The following GALNT18 variants were observed in gnomAD, a reference collection of about 807,000 sequenced individuals.
GALNT18 encodes the protein GalNAc-transferase 18.
A neutral mutation model predicts 69.5 loss-of-function variants in GALNT18; 44 were observed. The observed-to-expected ratio is 0.63, with a 90% CI of 0.50 to 0.81. The LOEUF (loss-of-function observed/expected upper bound fraction) is 0.81, where lower values mean the gene tolerates loss of function less well. Among genes scored for constraint, GALNT18 ranks in the 40% least tolerant of loss-of-function variants. GALNT18 has a pLI of 0.00. For missense variants in GALNT18, 715 were observed against 810.0 expected, an observed-to-expected ratio of 0.88 and a Z score of 1.42; for synonymous variants, 364 against 318.2, an observed-to-expected ratio of 1.14 and a Z score of -1.53.
At position 11,315,865 on chromosome 11, in the gene GALNT18, T is replaced by A. The variant is rs955685393; in HGVS notation, c.1512+11221A>T. Reference sequence around the variant, plus strand: ...ACATCCACCACTACCCTGCACCCCCTCAAACAACCATCCTGCACCGAGAAA... The same window carrying A: ...ACATCCACCACTACCCTGCACCCCCACAAACAACCATCCTGCACCGAGAAA... On this transcript the variant is annotated intron_variant, in intron 9 of 10. Coordinates refer to ENST00000227756, the MANE Select transcript of GALNT18 (RefSeq NM_198516.3). This position sits in a 1 kb window ranked among gnomAD's most constrained non-coding sequence, Gnocchi z 5.6. 3.3e-5 allele frequency among the ~76,000 whole-genome samples: 5 copies of A among 151,718 alleles called. No individual in the cohort carries two copies. The highest frequency in any genetic ancestry group is 7.3e-5 in the African/African-American group (3 of 41,280).
chr11:11,477,142 G>A (rs558691968), intron 1 of GALNT18, among the ~76,000 whole-genome samples: 1 of 152,320 alleles, frequency 6.6e-6, no homozygotes, highest in African/African-American at 2.4e-5. Context: ...AAGCTAGAGA[G>A]GCCACTAACA....
chr11:11,396,618 G>C lies in GALNT18; in HGVS notation c.596-17354C>G, dbSNP rs1045179870. 2.0e-5 allele frequency among the ~76,000 whole-genome samples: 3 copies of C among 152,152 alleles called. No homozygotes were observed. The highest frequency in any genetic ancestry group is 7.2e-5 in the African/African-American group (3 of 41,446). ...GGCAATTGCAAAGATTTGCACGCGG[G>C]ACTCCAGTCTGGGGCAATAGTGTGG... On this transcript the variant is annotated intron_variant, in intron 3 of 10. Coordinates refer to ENST00000227756, the MANE Select transcript of GALNT18 (RefSeq NM_198516.3). The surrounding 1 kb of genome is among the most constrained non-coding windows in gnomAD (Gnocchi z 5.2).
At position 11,415,841 on chromosome 11, in the gene GALNT18, C is replaced by T. The variant is rs943134523; in HGVS notation, c.595+16780G>A. On this transcript the variant is annotated intron_variant, in intron 3 of 10. Transcript: ENST00000227756. This position sits in a 1 kb window ranked among gnomAD's most constrained non-coding sequence, Gnocchi z 4.1. Reference sequence around the variant, plus strand: ...CAGGAATTCAGCAAGCAGCAACGCTCTCCACTGTTGGACTCACATGTCATA... The same window carrying T: ...CAGGAATTCAGCAAGCAGCAACGCTTTCCACTGTTGGACTCACATGTCATA... Among the ~76,000 whole-genome samples the T allele has an allele frequency of 6.6e-6, 1 of 152,202 alleles. No individual in the cohort carries two copies.
chr11:11,275,153 T>A (rs1402447909), intron 10 of GALNT18, among the ~76,000 whole-genome samples: 1 of 152,218 alleles, frequency 6.6e-6, no homozygotes, highest in Middle Eastern at 3.2e-3. Context: ...TAATTTACAC[T>A]CCCACCAACA....
chr11:11,621,442 T>C lies in GALNT18; in HGVS notation c.152A>G (p.Lys51Arg). The C allele has an allele frequency of 6.2e-7, 1 of 1,614,126 alleles. No homozygotes were observed. Among genetic ancestry groups the C allele is most frequent in the Non-Finnish European group, 8.5e-7 (1 of 1,180,004 alleles). ...VRGQEPAPDKKLEEDKGDTLK... is the reference protein window; with the variant it reads ...VRGQEPAPDKRLEEDKGDTLK... ...AGTGTCCCCTTTGTCTTCCTCCAGCTTCTTGTCGGGCGCCGGCTCCTGCCC... is the reference window on the plus strand; with the variant it reads ...AGTGTCCCCTTTGTCTTCCTCCAGCCTCTTGTCGGGCGCCGGCTCCTGCCC... The change falls in exon 1 of 11, where the codon AAG (lysine) becomes AGG (arginine). Residue 51 changes from lysine to arginine, a missense_variant. Coordinates refer to ENST00000227756, the MANE Select transcript of GALNT18 (RefSeq NM_198516.3). The surrounding 1 kb of genome is among the most constrained non-coding windows in gnomAD (Gnocchi z 9.3).
intron 1 of GALNT18, among the ~76,000 whole-genome samples, chr11:11,487,121 C>T (rs1856661378): frequency 6.6e-6 from 1 of 152,232 alleles, no homozygotes; most frequent in Non-Finnish European, 1.5e-5. Flanking sequence ...GAATCTTCCC[C>T]ACTCATCTCC....
rs117025319 is a variant in GALNT18, at chr11:11,479,219, G to A, written c.236-30283C>T. On this transcript the variant is annotated intron_variant, in intron 1 of 10. Transcript: ENST00000227756. ...ATTAATGTTTTCCTAATTGGACACC[G>A]ATTCAACTAGGAAAAATAAAGTTTA... is the stretch of plus-strand genomic sequence containing the variant. Among the ~76,000 whole-genome samples the A allele has an allele frequency of 3.3e-3, 502 of 152,042 alleles. 1 individual carries two copies. The highest frequency in any genetic ancestry group is 0.02 in the Middle Eastern group (6 of 294).
intron 6 of GALNT18, among the ~76,000 whole-genome samples, chr11:11,359,430 TAG>T (rs1850596645): frequency 1.1e-5 from 1 of 91,726 alleles, no homozygotes; most frequent in South Asian, 2.6e-4. Context: ...AGGCAATTGC[TAG>T]GGACCCTTCC....
intron 8 of GALNT18, among the ~76,000 whole-genome samples, chr11:11,329,565 G>A (rs1348203336): frequency 1.3e-5 from 2 of 152,156 alleles, no homozygotes; most frequent in African/African-American, 2.4e-5. Context: ...ACCCAAGTCT[G>A]GTATGAGACC....
chr11:11,394,357 G>A (rs973784767), intron 3 of GALNT18, among the ~76,000 whole-genome samples: 3 of 152,140 alleles, frequency 2.0e-5, no homozygotes, highest in African/African-American at 7.2e-5. Flanking sequence ...CTGAGTGTAG[G>A]GATACAAATT....
In GALNT18 at chr11:11,604,943, G is replaced by A. The variant is rs534076447; in HGVS notation, c.235+16416C>T. Among the ~76,000 whole-genome samples the A allele has an allele frequency of 3.3e-5, 5 of 151,982 alleles. No homozygotes were observed. Among genetic ancestry groups the A allele is most frequent in the South Asian group, 4.2e-4 (2 of 4,818 alleles). ...CTATTGCTCCTGGCCGTGAGTCTGC[G>A]GAGGTAAAAAAAAAGAATGGAATAG... On this transcript the variant is annotated intron_variant, in intron 1 of 10. Coordinates refer to ENST00000227756, the MANE Select transcript of GALNT18 (RefSeq NM_198516.3). The surrounding 1 kb of genome is among the most constrained non-coding windows in gnomAD (Gnocchi z 5.6).
intron 9 of GALNT18, among the ~76,000 whole-genome samples, chr11:11,293,660 G>C (rs551382738): frequency 6.7e-6 from 1 of 149,124 alleles, no homozygotes; most frequent in East Asian, 2.0e-4. Flanking sequence ...TCCTGCCTCC[G>C]TCTCCTGAGT....
chr11:11,372,696 C>G lies in GALNT18; in HGVS notation c.978-67G>C. The G allele has an allele frequency of 8.1e-7, 1 of 1,228,820 alleles. No individual in the cohort carries two copies. The highest frequency in any genetic ancestry group is 1.2e-6 in the Non-Finnish European group (1 of 842,446). 76.1% of individuals were successfully genotyped at this position (1,228,820 alleles called of 1,614,324 possible). ...TGTCCGAGGAGTAAGAGCAGTAAGG[C>G]CTTCCTATCAGGAGGGTCTGGTTCT... On this transcript the variant is annotated intron_variant, in intron 5 of 10. Coordinates refer to ENST00000227756, the MANE Select transcript of GALNT18 (RefSeq NM_198516.3). This position sits in a 1 kb window ranked among gnomAD's most constrained non-coding sequence, Gnocchi z 4.9.
rs532211865 is a variant in GALNT18, at chr11:11,606,740, C to T, written c.235+14619G>A. On this transcript the variant is annotated intron_variant, in intron 1 of 10. Transcript: ENST00000227756. This position sits in a 1 kb window ranked among gnomAD's most constrained non-coding sequence, Gnocchi z 5.4. ...TAAGGATTTTCCTTCCTGGTGCACA[C>T]GTTTCTCCTGAAGTTGAGGGAAGTA... Among the ~76,000 whole-genome samples the T allele has an allele frequency of 2.2e-4, 33 of 152,280 alleles. No homozygotes were observed. The highest frequency in any genetic ancestry group is 1.5e-3 in the East Asian group (8 of 5,174).
At chr11:11,376,866 C>T (rs1297575404) in intron 5 of GALNT18, among the ~76,000 whole-genome samples, 1 of 152,202 alleles carries the variant, frequency 6.6e-6, no homozygotes, top group Non-Finnish European at 1.5e-5. Context: ...TGTCTGTCTT[C>T]ACTAGACTCC....
intron 1 of GALNT18, among the ~76,000 whole-genome samples, chr11:11,551,821 A>T (rs1407602775): frequency 6.6e-6 from 1 of 152,208 alleles, no homozygotes; most frequent in Non-Finnish European, 1.5e-5. Context: ...ATTAGTTCTT[A>T]TAGGTTTTGG....
chr11:11,282,789 G>A (rs533778222), intron 10 of GALNT18, among the ~76,000 whole-genome samples: 18 of 152,150 alleles, frequency 1.2e-4, no homozygotes, highest in Non-Finnish European at 2.5e-4. Flanking sequence ...TACCATTCTA[G>A]GCCACTGAGA....
At chr11:11,394,224 C>T (rs1226216727) in intron 3 of GALNT18, among the ~76,000 whole-genome samples, 3 of 152,106 alleles carry the variant, frequency 2.0e-5, no homozygotes, top group Non-Finnish European at 4.4e-5. Context: ...GATGAAGGGG[C>T]TTTCCTAGGA....
At chr11:11,363,562 T>C (rs1304777646) in intron 6 of GALNT18, among the ~76,000 whole-genome samples, 3 of 152,206 alleles carry the variant, frequency 2.0e-5, no homozygotes, top group Non-Finnish European at 4.4e-5. Flanking sequence ...CCAGAAATTT[T>C]GTCATGAAAG....
Sources: allele counts gnomAD v4.1 joint callset (sites outside exome capture counted in the v4.1 genomes callset), GRCh38; gene constraint gnomAD v4.1.1; non-coding constraint Gnocchi (gnomAD v3.1); transcripts MANE v1.5; gene names NCBI Gene and HGNC (gene_info 2026-07-23, HGNC 2026-07-21).